LRRK1: variants seen among roughly 807,000 people sequenced by gnomAD.
LRRK1 encodes the protein leucine-rich repeat serine/threonine-protein kinase 1.
In LRRK1, 113 loss-of-function variants were observed where a neutral mutation model predicts 209.1. The ratio of observed to expected loss-of-function variants is 0.54; its 90% CI spans 0.46 to 0.63. LRRK1 has a LOEUF of 0.63. Ranked by LOEUF, LRRK1 falls within the 30% of genes least tolerant of loss-of-function variation. The probability of loss-of-function intolerance (pLI) is 0.00; values close to 1 mark genes in which losing one functional copy is unlikely to be tolerated. For missense variants in LRRK1, 2,284 were observed against 2,632.2 expected, an observed-to-expected ratio of 0.87 and a Z score of 2.89; for synonymous variants, 1,144 against 1,099.7, an observed-to-expected ratio of 1.04 and a Z score of -0.80.
In LRRK1 at chr15:101,055,161, G is replaced by A. The variant is rs767219901; in HGVS notation, c.4270G>A (p.Val1424Met). The A allele has an allele frequency of 3.1e-5, 50 of 1,611,046 alleles. 1 individual carries two copies. Among genetic ancestry groups the A allele is most frequent in the East Asian group, 2.2e-4 (10 of 44,808 alleles). Reference protein sequence around the residue: ...RQSFHEGALGVEGTPGYQAPE... With the variant: ...RQSFHEGALGMEGTPGYQAPE... Reference sequence around the variant, plus strand: ...GTCATTCCATGAGGGCGCCCTAGGCGTGGAGGGCACTCCTGGCTACCAGGC... The same window carrying A: ...GTCATTCCATGAGGGCGCCCTAGGCATGGAGGGCACTCCTGGCTACCAGGC... Residue 1424 changes from valine (V) to methionine (M), a missense_variant, in exon 27 of 34, where the codon GTG (valine) becomes ATG (methionine). By Grantham distance (21) the Val-to-Met change is conservative. Coordinates refer to ENST00000388948, the MANE Select transcript of LRRK1 (RefSeq NM_024652.6).
intron 20 of LRRK1, among the ~76,000 whole-genome samples, chr15:101,044,508 G>A (rs1026048225): frequency 3.9e-5 from 6 of 152,334 alleles, no homozygotes; most frequent in East Asian, 1.9e-4. Flanking sequence ...TCTGAAACCC[G>A]GAGCCAGCGG....
intron 2 of LRRK1, among the ~76,000 whole-genome samples, chr15:100,948,009 G>C (rs962861377): frequency 1.2e-4 from 19 of 152,172 alleles, no homozygotes; most frequent in African/African-American, 4.6e-4. Context: ...GCTTGACAAG[G>C]CATCCACGGG....
At chr15:100,989,087 T>TTCTCCCACTAACAGAAAC (rs1464336755) in intron 5 of LRRK1, among the ~76,000 whole-genome samples, 163 bp from the exon 6 acceptor site, 1 of 152,220 alleles carries the variant, frequency 6.6e-6, no homozygotes, top group Non-Finnish European at 1.5e-5. Context: ...CCCACAGAAA[T>TTCTCCCACTAACAGAAAC]TCTCCCACTA....
chr15:100,941,222 CTG>C (rs1189492122), intron 2 of LRRK1, among the ~76,000 whole-genome samples: 4 of 131,224 alleles, frequency 3.0e-5, no homozygotes, highest in African/African-American at 1.2e-4. Flanking sequence ...CTGTATGTGT[CTG>C]TGTGTGTGTC....
At position 101,070,349 on chromosome 15, in the gene LRRK1, C is replaced by G. The variant is rs146715707; in HGVS notation, c.*1501C>G. 1.9e-4 allele frequency: 28 copies of G among 146,950 alleles called. No homozygotes were observed. In the East Asian group the frequency reaches 5.6e-3, roughly 29 times the overall value. The allele number at this position is 146,950 out of a possible 1,614,324, so 9.1% of individuals were successfully genotyped here. A position where few individuals can be genotyped will look rare whatever the true frequency, so the allele number is the denominator to read the frequency against. On this transcript the variant is annotated 3_prime_UTR_variant, in exon 34 of 34. Coordinates refer to ENST00000388948, the MANE Select transcript of LRRK1 (RefSeq NM_024652.6). ...TTTTTTTTTTTACCAACCTGGGCAC[C>G]AAGTCCCAGGGGGCTGAGGGTCTGT...
intron 2 of LRRK1, among the ~76,000 whole-genome samples, chr15:100,965,096 G>A (rs144735690): frequency 2.6e-5 from 4 of 152,116 alleles, no homozygotes; most frequent in African/African-American, 4.8e-5. Context: ...TCAGAGACAC[G>A]GTTGTCACAG....
At chr15:101,012,520 G>A (rs1193973742) in intron 10 of LRRK1, among the ~76,000 whole-genome samples, 3 of 152,184 alleles carry the variant, frequency 2.0e-5, no homozygotes, top group Non-Finnish European at 4.4e-5. Flanking sequence ...TAGGTGGTTG[G>A]CGGGTCCTTA....
intron 2 of LRRK1, among the ~76,000 whole-genome samples, chr15:100,930,825 T>C (rs1477921137): frequency 6.6e-6 from 1 of 152,206 alleles, no homozygotes; most frequent in African/African-American, 2.4e-5. Context: ...TCACTAGGGA[T>C]TTTTATGAAA....
At position 101,024,700 on chromosome 15, in the gene LRRK1, G is replaced by T. The variant is rs1337110668; in HGVS notation, c.2068-103G>T. 2 of 1,270,222 alleles carry T rather than the reference G, an allele frequency of 1.6e-6. No homozygotes were observed. Among genetic ancestry groups the T allele is most frequent in the Non-Finnish European group, 2.2e-6 (2 of 911,630 alleles). The allele number at this position is 1,270,222 out of a possible 1,614,324, so 78.7% of individuals were successfully genotyped here. ...GAACTTTTCCACGGTTGTTTTTTCA[G>T]ACCCCCGAGTCCAGCCTCCAGAGTT... On this transcript the variant is annotated intron_variant, in intron 15 of 33. Transcript: ENST00000388948. This position sits in a 1 kb window ranked among gnomAD's most constrained non-coding sequence, Gnocchi z 4.6.
chr15:101,077,532 T>A lies in LRRK1; in HGVS notation c.*8684T>A, dbSNP rs1260144024. Reference sequence around the variant, plus strand: ...TCAATTCTTAGACCTTTTATACCTGTTTTTCTCCTTTACTTATTCCGTTTA... The same window carrying A: ...TCAATTCTTAGACCTTTTATACCTGATTTTCTCCTTTACTTATTCCGTTTA... On this transcript the variant is annotated 3_prime_UTR_variant, in exon 34 of 34. Transcript: ENST00000388948. 6.6e-6 allele frequency: 1 copy of A among 152,202 alleles called. No homozygotes were observed. The highest frequency in any genetic ancestry group is 2.4e-5 in the African/African-American group (1 of 41,438). 9.4% of individuals were successfully genotyped at this position (152,202 alleles called of 1,614,324 possible). A position where few individuals can be genotyped will look rare whatever the true frequency, so the allele number is the denominator to read the frequency against.
chr15:100,971,344 A>T (rs960904280), intron 2 of LRRK1, among the ~76,000 whole-genome samples: 1 of 148,848 alleles, frequency 6.7e-6, no homozygotes, highest in Non-Finnish European at 1.5e-5. Flanking sequence ...AAAAAAAAAA[A>T]AAAAGAAAAG....
chr15:100,945,061 C>G (rs1040639289), intron 2 of LRRK1, among the ~76,000 whole-genome samples: 4 of 152,222 alleles, frequency 2.6e-5, no homozygotes, highest in African/African-American at 9.7e-5. Flanking sequence ...GGATGCAACT[C>G]AGTTATACAG....
At chr15:100,958,489 C>T (rs1471339577) in intron 2 of LRRK1, among the ~76,000 whole-genome samples, 1 of 152,210 alleles carries the variant, frequency 6.6e-6, no homozygotes, top group African/African-American at 2.4e-5. Flanking sequence ...TTCTTGGCCT[C>T]ACTAACATTT....
chr15:101,027,291 G>A lies in LRRK1; in HGVS notation c.2436G>A (p.Gln812=), dbSNP rs765815421. ...TTTCCTGCAAGAGCCTGGAAGGTCA[G>A]GAAGGGCTGCGACAGCTGATTTTCC... ...HEISCKSLEG[Q]EGLRQLIFHV... is the part of the protein sequence containing the mutation. Residue 812 remains glutamine, a synonymous_variant, in exon 18 of 34, where the codon CAG becomes CAA. Coordinates refer to ENST00000388948, the MANE Select transcript of LRRK1 (RefSeq NM_024652.6). This position sits in a 1 kb window ranked among gnomAD's most constrained non-coding sequence, Gnocchi z 5.1. The A allele has an allele frequency of 5.0e-6, 8 of 1,614,174 alleles. No individual in the cohort carries two copies. Among genetic ancestry groups the A allele is most frequent in the Non-Finnish European group, 5.9e-6 (7 of 1,180,044 alleles).
At chr15:100,921,965 TCCTCGGCCTC>T (rs751141468) in intron 1 of LRRK1, among the ~76,000 whole-genome samples, 1 of 152,076 alleles carries the variant, frequency 6.6e-6, no homozygotes, top group Non-Finnish European at 1.5e-5. Flanking sequence ...TGATCCACTC[TCCTCGGCCTC>T]CCAAAGAGCT....
At chr15:100,983,334 G>A (rs1437483221) in intron 3 of LRRK1, among the ~76,000 whole-genome samples, 194 bp from the exon 4 acceptor site, 1 of 152,170 alleles carries the variant, frequency 6.6e-6, no homozygotes, top group African/African-American at 2.4e-5. Flanking sequence ...ATTCACGTGT[G>A]ATTTTATACT....
intron 2 of LRRK1, among the ~76,000 whole-genome samples, chr15:100,953,025 G>A (rs1035919287): frequency 2.3e-4 from 35 of 152,264 alleles, no homozygotes; most frequent in African/African-American, 8.2e-4. Flanking sequence ...TATATTTCAT[G>A]TATATAATGT....
chr15:100,992,876 T>G (rs928813815), intron 6 of LRRK1, among the ~76,000 whole-genome samples: 1 of 152,128 alleles, frequency 6.6e-6, no homozygotes, highest in Admixed American at 6.5e-5. Flanking sequence ...ACCATGTTGG[T>G]CAGGCTAGTC....
chr15:101,053,709 T>C (rs933961892), intron 26 of LRRK1, among the ~76,000 whole-genome samples: 4 of 152,180 alleles, frequency 2.6e-5, no homozygotes, highest in African/African-American at 9.7e-5. Flanking sequence ...AGGAGGATGG[T>C]AACAGGCCTC....
Sources: allele counts gnomAD v4.1 joint callset (sites outside exome capture counted in the v4.1 genomes callset), GRCh38; gene constraint gnomAD v4.1.1; non-coding constraint Gnocchi (gnomAD v3.1); transcripts MANE v1.5; gene names NCBI Gene and HGNC (gene_info 2026-07-23, HGNC 2026-07-21).